The following RMDN2 variants were observed in gnomAD, a reference collection of about 807,000 sequenced individuals.
RMDN2 encodes the protein regulator of microtubule dynamics protein 2.
RMDN2 carries 61 observed loss-of-function variants against 52.8 expected under a neutral mutation model. The observed-to-expected ratio is 1.16, with a 90% CI of 0.94 to 1.43. RMDN2 has a LOEUF of 1.43. RMDN2 is among the 40% of genes most tolerant of loss of function. The pLI is 0.00. For missense variants in RMDN2, 592 were observed against 475.3 expected, an observed-to-expected ratio of 1.25 and a Z score of -2.28; for synonymous variants, 180 against 153.1, an observed-to-expected ratio of 1.18 and a Z score of -1.30.
In RMDN2 at chr2:38,031,523, T is replaced by G. The variant is rs193292652; in HGVS notation, c.1713+27307T>G. Reference sequence around the variant, plus strand: ...CTACAGAACTGTAATTTACATTTCATAAAGTAGTTGAGATTATGATCTACC... The same window carrying G: ...CTACAGAACTGTAATTTACATTTCAGAAAGTAGTTGAGATTATGATCTACC... On this transcript the variant is annotated intron_variant, in intron 10 of 10. Transcript: ENST00000234195. Among the ~76,000 whole-genome samples, 7 of 152,266 alleles carry G rather than the reference T, an allele frequency of 4.6e-5. No homozygotes were observed. The East Asian group carries it at 1.2e-3, about 25-fold the overall frequency.
intron 2 of RMDN2, among the ~76,000 whole-genome samples, chr2:37,933,580 G>A (rs1037631854): frequency 2.6e-5 from 4 of 152,388 alleles, no homozygotes; most frequent in South Asian, 2.1e-4. Flanking sequence ...GACCAGCCCG[G>A]CCAACACAGC....
intron 2 of RMDN2, among the ~76,000 whole-genome samples, chr2:37,939,736 G>T (rs1288188268): frequency 1.3e-5 from 2 of 152,146 alleles, no homozygotes; most frequent in African/African-American, 2.4e-5. Flanking sequence ...CTTTCCATTT[G>T]CTTTGTAAAT....
chr2:37,956,117 A>G (rs1167395570), intron 2 of RMDN2, among the ~76,000 whole-genome samples: 1 of 152,180 alleles, frequency 6.6e-6, no homozygotes, highest in Non-Finnish European at 1.5e-5. Flanking sequence ...GAGTTTGAGG[A>G]AGACTGCTGT....
At chr2:38,064,777 T>TAA (rs58736308) in intron 10 of RMDN2, among the ~76,000 whole-genome samples, 128 of 148,054 alleles carry the variant, frequency 8.6e-4, no homozygotes, top group African/African-American at 2.1e-3. Context: ...TTTTCCTCGT[T>TAA]AAAAAAAAAA....
chr2:37,980,384 A>G (rs951578863), intron 4 of RMDN2, among the ~76,000 whole-genome samples: 1 of 151,958 alleles, frequency 6.6e-6, no homozygotes, highest in Non-Finnish European at 1.5e-5. Flanking sequence ...GCACGCTGCA[A>G]CCTCTGCCTC....
At chr2:37,976,083 G>GT (rs1181514313) in intron 4 of RMDN2, among the ~76,000 whole-genome samples, 1 of 152,122 alleles carries the variant, frequency 6.6e-6, no homozygotes, top group Non-Finnish European at 1.5e-5. Context: ...AGACTTTAAT[G>GT]TTTTTTCCAA....
At chr2:38,007,070 G>C in intron 10 of RMDN2, among the ~76,000 whole-genome samples, 1 of 152,130 alleles carries the variant, frequency 6.6e-6, no homozygotes, top group Non-Finnish European at 1.5e-5. Flanking sequence ...TGATGATGGT[G>C]GATAAGCTTT....
At chr2:37,965,636 A>G (rs1404361904) in intron 2 of RMDN2, among the ~76,000 whole-genome samples, 1 of 152,188 alleles carries the variant, frequency 6.6e-6, no homozygotes, top group East Asian at 1.9e-4. Context: ...GTAAAAGAAT[A>G]AAAGGTGGAG....
chr2:38,042,458 C>G (rs1277019032), intron 10 of RMDN2, among the ~76,000 whole-genome samples: 1 of 141,382 alleles, frequency 7.1e-6, no homozygotes, highest in African/African-American at 2.5e-5. Flanking sequence ...CACACACACA[C>G]ACATCAGGTT....
At chr2:38,040,721 T>TAAA (rs1452100878) in intron 10 of RMDN2, among the ~76,000 whole-genome samples, 4 of 152,248 alleles carry the variant, frequency 2.6e-5, no homozygotes, top group South Asian at 4.1e-4. Context: ...CCTTTCCATA[T>TAAA]AAAATTTAGA....
At chr2:37,973,337 T>C (rs1470831524) in intron 2 of RMDN2, among the ~76,000 whole-genome samples, 3 of 152,216 alleles carry the variant, frequency 2.0e-5, no homozygotes, top group East Asian at 3.8e-4. Context: ...ACTATAAATA[T>C]GTGTTTTTGT....
At chr2:38,008,406 T>C (rs977682352) in intron 10 of RMDN2, among the ~76,000 whole-genome samples, 4 of 152,192 alleles carry the variant, frequency 2.6e-5, no homozygotes, top group Admixed American at 2.6e-4. Flanking sequence ...TGGGTGCATA[T>C]ATATTTAGGA....
At chr2:37,921,453 A>G (rs575223497), upstream of RMDN2, among the ~76,000 whole-genome samples, 1 of 152,334 alleles carries the variant, frequency 6.6e-6, no homozygotes, top group South Asian at 2.1e-4. Context: ...TGAATATCAT[A>G]AACACAAAGT....
intron 10 of RMDN2, among the ~76,000 whole-genome samples, chr2:38,062,593 G>C (rs1225749982): frequency 6.6e-6 from 1 of 151,938 alleles, no homozygotes; most frequent in African/African-American, 2.4e-5. Context: ...CCCAGGAGTG[G>C]GGTCATACTG....
intron 10 of RMDN2, among the ~76,000 whole-genome samples, chr2:38,047,822 G>A (rs1229060412): frequency 6.6e-6 from 1 of 152,168 alleles, no homozygotes; most frequent in Non-Finnish European, 1.5e-5. Context: ...GCAGATATGT[G>A]TGGCTCTTCT....
chr2:37,974,724 G>C (rs1432194573), intron 3 of RMDN2: 1 of 152,596 alleles, frequency 6.6e-6, no homozygotes, highest in Non-Finnish European at 1.5e-5. Context: ...TTTGTCTGAG[G>C]ATTTAGCAAC....
intron 2 of RMDN2, among the ~76,000 whole-genome samples, chr2:37,934,172 A>C (rs1558438397): frequency 1.3e-5 from 2 of 152,240 alleles, no homozygotes; most frequent in Non-Finnish European, 2.9e-5. Context: ...CAATTTTCTA[A>C]TACTACTTGT....
intron 10 of RMDN2, among the ~76,000 whole-genome samples, chr2:38,050,837 C>T (rs755096522): frequency 6.6e-6 from 1 of 152,240 alleles, no homozygotes; most frequent in African/African-American, 2.4e-5. Context: ...CAGCTCACTG[C>T]AGCCTCCGCC....
At chr2:37,952,535 A>C (rs572323596) in intron 2 of RMDN2, 1 of 396,216 alleles carries the variant, frequency 2.5e-6, no homozygotes, top group Non-Finnish European at 4.5e-6. Context: ...TGATGTATGG[A>C]CTTTCTAAAA....
Sources: allele counts gnomAD v4.1 joint callset (sites outside exome capture counted in the v4.1 genomes callset), GRCh38; gene constraint gnomAD v4.1.1; transcripts MANE v1.5; gene names NCBI Gene and HGNC (gene_info 2026-07-23, HGNC 2026-07-21).